The following SNX18 variants were observed in gnomAD, a reference collection of about 807,000 sequenced individuals.
SNX18 encodes sorting nexin 18.
In SNX18, 35 loss-of-function variants were observed where a neutral mutation model predicts 48.7. That is an observed-to-expected ratio of 0.72 (90% confidence interval 0.55 to 0.95). The LOEUF is 0.95. Among genes scored for constraint, SNX18 ranks in the 40% least tolerant of loss-of-function variants. The probability of loss-of-function intolerance (pLI) is 0.00; values close to 1 mark genes in which losing one functional copy is unlikely to be tolerated. For missense variants in SNX18, 824 were observed against 871.0 expected, an observed-to-expected ratio of 0.95 and a Z score of 0.68; for synonymous variants, 492 against 384.7, an observed-to-expected ratio of 1.28 and a Z score of -3.26.
the SNX18 span, among the ~76,000 whole-genome samples, chr5:54,612,880 C>T: frequency 6.6e-6 from 1 of 152,180 alleles, no homozygotes; most frequent in Non-Finnish European, 1.5e-5. Flanking sequence ...CCACCCTCAC[C>T]CCAGACACTA....
Position 54,518,229 on chromosome 5 carries a change from C to A in SNX18, c.277C>A (p.Pro93Thr), listed in dbSNP as rs753297212. The A allele has an allele frequency of 2.1e-6, 3 of 1,419,400 alleles. No homozygotes were observed. The highest frequency in any genetic ancestry group is 6.0e-5 in the East Asian group (2 of 33,474). The allele number at this position is 1,419,400 out of a possible 1,614,324, so 87.9% of individuals were successfully genotyped here. The change falls in exon 1 of 2, where the codon CCC becomes ACC. Residue 93 changes from proline to threonine, a missense_variant. Pro to Thr is a conservative substitution (Grantham distance 38). Coordinates refer to ENST00000381410, the MANE Select transcript of SNX18 (RefSeq NM_001102575.2). Reference sequence around the variant, plus strand: ...GGGCTTCGAGCCCCTGCCTGTCGCGCCCCCCGCCTCCTTCAAGCCGCCGCC... The same window carrying A: ...GGGCTTCGAGCCCCTGCCTGTCGCGACCCCCGCCTCCTTCAAGCCGCCGCC... Reference protein sequence around the residue: ...PGGFEPLPVAPPASFKPPPDA... With the variant: ...PGGFEPLPVATPASFKPPPDA...
At chr5:54,643,178 C>A in the SNX18 span, among the ~76,000 whole-genome samples, 1 of 152,110 alleles carries the variant, frequency 6.6e-6, no homozygotes, top group Admixed American at 6.5e-5. Context: ...CTCAGTTACA[C>A]CAACATGTTC....
rs2112832967 is a variant in SNX18, at chr5:54,518,993, C to T, written c.1041C>T (p.Asp347=). The T allele has an allele frequency of 1.2e-6, 2 of 1,613,600 alleles. No individual in the cohort carries two copies. The highest frequency in any genetic ancestry group is 1.7e-4 in the Middle Eastern group (1 of 6,060). Reference sequence around the variant, plus strand: ...AGGCCACCGGCCGCTTCGAGGAGGACTTCATCTCTAAGCGCAGGAAGGGCC... The same window carrying T: ...AGGCCACCGGCCGCTTCGAGGAGGATTTCATCTCTAAGCGCAGGAAGGGCC... The part of the protein sequence containing the change: ...EKQATGRFEE[D]FISKRRKGLI... Residue 347 remains aspartate (D), a synonymous_variant, in exon 1 of 2, where the codon GAC becomes GAT. Transcript: ENST00000381410.
At chr5:54,540,416 C>G (rs1362656362) in intron 1 of SNX18, among the ~76,000 whole-genome samples, 1 of 151,994 alleles carries the variant, frequency 6.6e-6, no homozygotes, top group Non-Finnish European at 1.5e-5. Flanking sequence ...GGGGTTTCAC[C>G]ATGTTGCCCA....
the SNX18 span, among the ~76,000 whole-genome samples, chr5:54,607,263 C>A: frequency 1.3e-5 from 2 of 152,200 alleles, no homozygotes; most frequent in East Asian, 3.9e-4. Context: ...GGGCCCCCGC[C>A]TGTGTGCAGG....
chr5:54,546,288 A>G lies in SNX18; in HGVS notation c.*2856A>G, dbSNP rs1022783533. 1.3e-5 allele frequency: 2 copies of G among 152,252 alleles called. No homozygotes were observed. Among genetic ancestry groups the G allele is most frequent in the Non-Finnish European group, 2.9e-5 (2 of 68,040 alleles). The allele number at this position is 152,252 out of a possible 1,614,324, so 9.4% of individuals were successfully genotyped here. A position where few individuals can be genotyped will look rare whatever the true frequency, so the allele number is the denominator to read the frequency against. On this transcript the variant is annotated 3_prime_UTR_variant, in exon 2 of 2. Transcript: ENST00000381410. Reference sequence around the variant, plus strand: ...TGAAAAATGTTTTAGTCTGTCAAGTATGTAAAGTTTGTGTAAAAACTTTTA... The same window carrying G: ...TGAAAAATGTTTTAGTCTGTCAAGTGTGTAAAGTTTGTGTAAAAACTTTTA...
chr5:54,610,022 A>G, the SNX18 span, among the ~76,000 whole-genome samples: 2 of 152,082 alleles, frequency 1.3e-5, no homozygotes, highest in Non-Finnish European at 2.9e-5. Context: ...ACCATGTGAC[A>G]TGCCTGCTTT....
chr5:54,567,224 T>C, the SNX18 span, among the ~76,000 whole-genome samples: 1 of 152,008 alleles, frequency 6.6e-6, no homozygotes. Flanking sequence ...TGTGTGTGTG[T>C]GTGTGCGTGT....
At chr5:54,519,666 TCA>T in intron 1 of SNX18, 93 bp downstream of exon 1, 1 of 1,614,162 alleles carries the variant, frequency 6.2e-7, no homozygotes, top group Non-Finnish European at 8.5e-7. Flanking sequence ...GGTTTCAGAA[TCA>T]TATTCTACAG....
At chr5:54,556,155 A>G in the SNX18 span, among the ~76,000 whole-genome samples, 2 of 152,192 alleles carry the variant, frequency 1.3e-5, no homozygotes, top group African/African-American at 2.4e-5. Flanking sequence ...TTTATTATGA[A>G]TGATGCTGCA....
rs779839751 is a variant in SNX18 at position 54,543,262 on chromosome 5, C to T, written c.1705C>T (p.Arg569Cys). The T allele has an allele frequency of 3.7e-6, 6 of 1,614,016 alleles. No homozygotes were observed. The highest frequency in any genetic ancestry group is 5.1e-6 in the Non-Finnish European group (6 of 1,180,038). The change falls in exon 2 of 2, where the codon CGC becomes TGC. Residue 569 changes from arginine (R) to cysteine (C), a missense_variant. Arg to Cys is a radical substitution (Grantham distance 180). Coordinates refer to ENST00000381410, the MANE Select transcript of SNX18 (RefSeq NM_001102575.2). ...EVQKADGIQD[R>C]CNTISFATLA... The stretch of plus-strand genomic sequence containing the variant: ...GCAGAAGGCTGACGGCATTCAGGAT[C>T]GCTGTAACACTATTTCTTTTGCCAC...
At chr5:54,538,809 C>G (rs1292340281) in intron 1 of SNX18, among the ~76,000 whole-genome samples, 4 of 152,074 alleles carry the variant, frequency 2.6e-5, no homozygotes, top group African/African-American at 9.7e-5. Context: ...TGTTTTATTG[C>G]TAATCATCTT....
the SNX18 span, among the ~76,000 whole-genome samples, chr5:54,602,776 T>C: frequency 8.5e-5 from 13 of 152,202 alleles, no homozygotes; most frequent in Non-Finnish European, 1.9e-4. Context: ...TTCCGGGATC[T>C]TGCCTTACTT....
the SNX18 span, among the ~76,000 whole-genome samples, chr5:54,566,703 T>G: frequency 6.6e-6 from 1 of 152,226 alleles, no homozygotes; most frequent in Non-Finnish European, 1.5e-5. Flanking sequence ...AGTGGGAAAT[T>G]GCCTCTCACC....
At chr5:54,542,616 G>C (rs931833310) in intron 1 of SNX18, among the ~76,000 whole-genome samples, 2 of 152,182 alleles carry the variant, frequency 1.3e-5, no homozygotes, top group African/African-American at 4.8e-5. Context: ...ATTGTAGACT[G>C]GCAACATTGC....
At chr5:54,619,073 A>G in the SNX18 span, among the ~76,000 whole-genome samples, 2 of 152,216 alleles carry the variant, frequency 1.3e-5, no homozygotes, top group Admixed American at 6.5e-5. Context: ...GTTTCCATTA[A>G]TAAGCTGACA....
the SNX18 span, among the ~76,000 whole-genome samples, chr5:54,623,157 T>C: frequency 6.6e-6 from 1 of 152,170 alleles, no homozygotes; most frequent in Non-Finnish European, 1.5e-5. Flanking sequence ...TGTCTAAGTT[T>C]GAGGGCCAAG....
At chr5:54,608,166 T>A in the SNX18 span, among the ~76,000 whole-genome samples, 9 of 152,318 alleles carry the variant, frequency 5.9e-5, 1 homozygote, top group East Asian at 7.7e-4. Flanking sequence ...TTTCTCTGCA[T>A]CCTCATCAGC....
the SNX18 span, among the ~76,000 whole-genome samples, chr5:54,570,630 G>A: frequency 0.011 from 1,676 of 152,254 alleles, 11 homozygotes; most frequent in Admixed American, 0.017. Context: ...TTCCTCCACA[G>A]AGCCTAGCAC....
Sources: gnomAD v4.1 joint callset for allele counts (sites outside exome capture counted in the v4.1 genomes callset) on GRCh38, gnomAD v4.1.1 for gene constraint, MANE v1.5 for transcripts, NCBI Gene and HGNC (gene_info 2026-07-23, HGNC 2026-07-21) for gene names.